Variants in HPCAL1 observed in about 807,000 individuals in gnomAD.
HPCAL1 encodes the protein hippocalcin like 1, also known as hippocalcin-like protein 1.
In HPCAL1, 8 loss-of-function variants were observed where a neutral mutation model predicts 17.1. That is an observed-to-expected ratio of 0.47 (90% CI 0.27 to 0.84). The LOEUF (loss-of-function observed/expected upper bound fraction) is 0.84, where lower values mean the gene tolerates loss of function less well. HPCAL1 is among the 40% of genes least tolerant of loss of function. HPCAL1 has a pLI of 0.13. For missense variants in HPCAL1, 165 were observed against 271.1 expected, an observed-to-expected ratio of 0.61 and a Z score of 2.75; for synonymous variants, 112 against 111.4, an observed-to-expected ratio of 1.01 and a Z score of -0.03.
Position 10,359,093 on chromosome 2 carries a change from G to A in HPCAL1, c.-110-37742G>A, listed in dbSNP as rs1182146437. Among the ~76,000 whole-genome samples the A allele has an allele frequency of 6.6e-6, 1 of 152,110 alleles. No individual in the cohort carries two copies. The highest frequency in any genetic ancestry group is 6.5e-5 in the Admixed American group (1 of 15,282). Reference sequence around the variant, plus strand: ...GACCCGTCTGCATGCTCCCCTAGAGGTTTGAGCAGCGGGACACTGACGAAG... The same window carrying A: ...GACCCGTCTGCATGCTCCCCTAGAGATTTGAGCAGCGGGACACTGACGAAG... On this transcript the variant is annotated intron_variant, in intron 1 of 4. Transcript: ENST00000307845. The surrounding 1 kb of genome is among the most constrained non-coding windows in gnomAD (Gnocchi z 4.1).
rs1441220107 is a variant in HPCAL1 at position 10,377,286 on chromosome 2, C to A, written c.-110-19549C>A. Among the ~76,000 whole-genome samples, 1 of 152,350 alleles carries A rather than the reference C, an allele frequency of 6.6e-6. No individual in the cohort carries two copies. Among genetic ancestry groups the A allele is most frequent in the Middle Eastern group, 3.4e-3 (1 of 294 alleles). ...CGGCTGAGTGGAGCCGCAGCAAATGCAACCCTGCCCCCGAGCCAGGCCCCA... is the reference window on the plus strand; with the variant it reads ...CGGCTGAGTGGAGCCGCAGCAAATGAAACCCTGCCCCCGAGCCAGGCCCCA... On this transcript the variant is annotated intron_variant, in intron 1 of 4. Coordinates refer to ENST00000307845, the MANE Select transcript of HPCAL1 (RefSeq NM_002149.4). The surrounding 1 kb of genome is among the most constrained non-coding windows in gnomAD (Gnocchi z 5.9).
At chr2:10,414,907 A>G (rs1281441351) in intron 2 of HPCAL1, among the ~76,000 whole-genome samples, 1 of 152,246 alleles carries the variant, frequency 6.6e-6, no homozygotes. Flanking sequence ...GGGAGGCTGA[A>G]CTAGAGACAC....
intron 1 of HPCAL1, 54 bp downstream of exon 1, chr2:10,303,231 G>C (rs1159247242): frequency 1.3e-5 from 2 of 152,244 alleles, no homozygotes. Flanking sequence ...CCCCGGGCGT[G>C]TGCACCCGGC....
chr2:10,420,027 C>T lies in HPCAL1; in HGVS notation c.270C>T (p.Ser90=), dbSNP rs761311148. 6 of 1,613,872 alleles carry T rather than the reference C, an allele frequency of 3.7e-6. No homozygotes were observed. Among genetic ancestry groups the T allele is most frequent in the African/African-American group, 1.3e-5 (1 of 74,936 alleles). Residue 90 remains serine (S), a synonymous_variant, in exon 3 of 5, where the codon AGC becomes AGT. Coordinates refer to ENST00000307845, the MANE Select transcript of HPCAL1 (RefSeq NM_002149.4). ...IDFREFIIAL[S]VTSRGKLEQK... is the part of the protein sequence containing the mutation. ...TCCGGGAGTTCATCATTGCGCTGAGCGTGACCTCGCGGGGCAAGCTGGAGC... is the reference window on the plus strand; with the variant it reads ...TCCGGGAGTTCATCATTGCGCTGAGTGTGACCTCGCGGGGCAAGCTGGAGC...
chr2:10,404,373 T>C (rs1669842057), intron 2 of HPCAL1, among the ~76,000 whole-genome samples: 1 of 152,178 alleles, frequency 6.6e-6, no homozygotes, highest in African/African-American at 2.4e-5. Context: ...TGGGTGAGTG[T>C]TTCCCCAGCC....
At chr2:10,401,674 G>T (rs778617461) in intron 2 of HPCAL1, among the ~76,000 whole-genome samples, 4 of 152,106 alleles carry the variant, frequency 2.6e-5, no homozygotes, top group Non-Finnish European at 5.9e-5. Context: ...TGCTTCCTGT[G>T]TTCTAGGCGC....
At chr2:10,374,747 G>A (rs1360049680) in intron 1 of HPCAL1, among the ~76,000 whole-genome samples, 1 of 152,342 alleles carries the variant, frequency 6.6e-6, no homozygotes, top group Middle Eastern at 3.4e-3. Flanking sequence ...TCCACCCTAC[G>A]GCGTAGAGGA....
chr2:10,324,772 G>A (rs1663889077), intron 1 of HPCAL1, among the ~76,000 whole-genome samples: 1 of 147,276 alleles, frequency 6.8e-6, no homozygotes, highest in Non-Finnish European at 1.5e-5. Context: ...GGTTGTTATT[G>A]GTTTTTACAT....
intron 2 of HPCAL1, among the ~76,000 whole-genome samples, chr2:10,416,701 CT>C (rs34538965): frequency 0.12 from 17,051 of 145,848 alleles, 2,128 homozygotes; most frequent in East Asian, 0.69. Flanking sequence ...TTTACATTCC[CT>C]TTTTTTTTTT....
intron 1 of HPCAL1, among the ~76,000 whole-genome samples, chr2:10,320,840 G>A (rs2125402155): frequency 6.6e-6 from 1 of 152,294 alleles, no homozygotes; most frequent in East Asian, 1.9e-4. Flanking sequence ...TGCCCGCTCA[G>A]GGCTTCTGTT....
chr2:10,317,977 T>G (rs1663427124), intron 1 of HPCAL1, among the ~76,000 whole-genome samples: 1 of 152,220 alleles, frequency 6.6e-6, no homozygotes, highest in South Asian at 2.1e-4. Context: ...GGATGGACAA[T>G]AACATCATCT....
intron 1 of HPCAL1, among the ~76,000 whole-genome samples, chr2:10,382,045 G>T (rs887477780): frequency 2.0e-5 from 3 of 152,256 alleles, no homozygotes; most frequent in African/African-American, 4.8e-5. Flanking sequence ...TCCTTCAGCA[G>T]GTGAATGGAT....
In HPCAL1 at chr2:10,426,851, A is replaced by G. The variant is rs1671439671; in HGVS notation, c.*30A>G. ...GCGGCCCCTGGACAGTTGCAGAGAA[A>G]CACAGGCTTGTCGTGCCGTTTAAGC... is the stretch of plus-strand genomic sequence containing the variant. On this transcript the variant is annotated 3_prime_UTR_variant, in exon 5 of 5. Coordinates refer to ENST00000307845, the MANE Select transcript of HPCAL1 (RefSeq NM_002149.4). 1.9e-6 allele frequency: 3 copies of G among 1,571,660 alleles called. No homozygotes were observed. The highest frequency in any genetic ancestry group is 1.3e-5 in the African/African-American group (1 of 74,138).
chr2:10,364,839 C>T (rs1272167930), intron 1 of HPCAL1, among the ~76,000 whole-genome samples: 2 of 152,154 alleles, frequency 1.3e-5, no homozygotes, highest in East Asian at 3.9e-4. Context: ...CCTGCCTCGG[C>T]CTCCCAGAGT....
At chr2:10,399,574 C>CCACCACCAT (rs1669453360) in intron 2 of HPCAL1, among the ~76,000 whole-genome samples, 1 of 44,196 alleles carries the variant, frequency 2.3e-5, no homozygotes, top group Non-Finnish European at 4.6e-5. Context: ...ACCGCCACCA[C>CCACCACCAT]CACCGCCACC....
At chr2:10,319,641 T>G (rs1663548023) in intron 1 of HPCAL1, among the ~76,000 whole-genome samples, 2 of 151,750 alleles carry the variant, frequency 1.3e-5, no homozygotes, top group South Asian at 4.2e-4. Flanking sequence ...AGCCTCTGTT[T>G]AAGCAGAGAC....
At chr2:10,422,861 G>A (rs553627265) in intron 3 of HPCAL1, 122 bp from the exon 4 acceptor site, 10 of 656,822 alleles carry the variant, frequency 1.5e-5, no homozygotes, top group East Asian at 2.7e-5. Context: ...GAAGGGTCCC[G>A]AAGGCCACCG....
At chr2:10,338,476 C>T (rs1375917522) in intron 1 of HPCAL1, among the ~76,000 whole-genome samples, 1 of 152,130 alleles carries the variant, frequency 6.6e-6, no homozygotes, top group Non-Finnish European at 1.5e-5. Context: ...AGGGATCATT[C>T]CTACTTCGTA....
chr2:10,324,948 G>A (rs1389960106), intron 1 of HPCAL1, among the ~76,000 whole-genome samples: 3 of 148,844 alleles, frequency 2.0e-5, no homozygotes, highest in Non-Finnish European at 4.4e-5. Flanking sequence ...TCAGCCTCCC[G>A]AGTAGCTGGG....
Sources: gnomAD v4.1 joint callset for allele counts (sites outside exome capture counted in the v4.1 genomes callset) on GRCh38, gnomAD v4.1.1 for gene constraint, Gnocchi (gnomAD v3.1) non-coding constraint, MANE v1.5 for transcripts, NCBI Gene and HGNC (gene_info 2026-07-23, HGNC 2026-07-21) for gene names.